LAMA3: variants seen among roughly 807,000 people sequenced by gnomAD.
LAMA3 encodes laminin subunit alpha-3.
Under a neutral mutation model 402.0 loss-of-function variants are expected in LAMA3, and 281 were observed. The observed-to-expected ratio is 0.70, with a 90% confidence interval of 0.63 to 0.77. The LOEUF is 0.77. LAMA3 is among the 30% of genes least tolerant of loss of function. The pLI is 0.00. For missense variants in LAMA3, 3,840 were observed against 4,215.5 expected (o/e 0.91, Z 2.47); for synonymous variants, 1,431 against 1,558.4 (o/e 0.92, Z 1.93).
intron 3 of LAMA3, among the ~76,000 whole-genome samples, chr18:23,748,294 G>C (rs901478784): frequency 2.7e-5 from 4 of 149,938 alleles, no homozygotes; most frequent in African/African-American, 9.8e-5. Context: ...CCAGGCACAT[G>C]CCTGTTATCC....
At chr18:23,813,837 C>T (rs1310990054) in intron 14 of LAMA3, among the ~76,000 whole-genome samples, 3 of 152,072 alleles carry the variant, frequency 2.0e-5, no homozygotes, top group Non-Finnish European at 2.9e-5. Flanking sequence ...CTACCACACC[C>T]GGCCTATTCT....
At position 23,876,293 on chromosome 18, in the gene LAMA3, G is replaced by A. The variant is rs1327684674; in HGVS notation, c.4999-1G>A. 5 of 1,603,268 alleles carry A rather than the reference G, an allele frequency of 3.1e-6. No homozygotes were observed. In the African/African-American group the frequency reaches 4.0e-5, roughly 13 times the overall value. On this transcript the variant is annotated splice_acceptor_variant, in intron 38 of 74. Transcript: ENST00000313654. LOFTEE classifies it high-confidence loss of function. Reference sequence around the variant, plus strand: ...GATTAAACACTTTGTTTGAAAAATAGGGTTGTAGCCCTGGATACTATCGGG... The same window carrying A: ...GATTAAACACTTTGTTTGAAAAATAAGGTTGTAGCCCTGGATACTATCGGG...
In LAMA3 at chr18:23,833,831, G is replaced by A; in HGVS notation, c.2827G>A (p.Glu943Lys). The change falls in exon 24 of 75, where the codon GAA becomes AAA. Residue 943 changes from glutamate (E) to lysine (K), a missense_variant. This residue lies in a region of LAMA3 where 2,109 missense variants were observed against 2,376.0 expected (regional missense o/e 0.89). Coordinates refer to ENST00000313654, the MANE Select transcript of LAMA3 (RefSeq NM_198129.4). Reference sequence around the variant, plus strand: ...GTCTGCTTGGCCTCTGTGACAGGTGGAATTGCATCTGCGGCTGCGCATCCC... The same window carrying A: ...GTCTGCTTGGCCTCTGTGACAGGTGAAATTGCATCTGCGGCTGCGCATCCC... ...VMVDLSGREV[E>K]LHLRLRIPQV... The A allele has an allele frequency of 6.2e-7, 1 of 1,612,884 alleles. No homozygotes were observed.
chr18:23,914,373 C>T (rs1370010500), intron 56 of LAMA3, 37 bp from the exon 57 acceptor site: 14 of 1,613,262 alleles, frequency 8.7e-6, no homozygotes, highest in Non-Finnish European at 1.2e-5. Context: ...TGAGAAACCA[C>T]AATGTGAAGT....
intron 2 of LAMA3, among the ~76,000 whole-genome samples, chr18:23,715,603 T>G (rs1392832658): frequency 6.6e-6 from 1 of 152,254 alleles, no homozygotes; most frequent in Non-Finnish European, 1.5e-5. Context: ...AGAGATTTCT[T>G]TGTTTATGAT....
chr18:23,903,730 C>T (rs181711876), intron 49 of LAMA3, among the ~76,000 whole-genome samples: 1 of 152,230 alleles, frequency 6.6e-6, no homozygotes, highest in Non-Finnish European at 1.5e-5. Context: ...TGAGAATGTT[C>T]AAGATAGTGG....
intron 19 of LAMA3, among the ~76,000 whole-genome samples, chr18:23,820,261 G>T (rs2063259288): frequency 6.6e-6 from 1 of 152,168 alleles, no homozygotes. Context: ...AGAGATTAAA[G>T]AAAAATAGTG....
Position 23,907,772 on chromosome 18 carries a change from G to C in LAMA3, c.6852G>C (p.Met2284Ile). The C allele has an allele frequency of 1.2e-6, 2 of 1,614,116 alleles. No homozygotes were observed. The highest frequency in any genetic ancestry group is 1.7e-6 in the Non-Finnish European group (2 of 1,180,018). ...GTGCATTAGGTGATATTGATGCTAT[G>C]ATCAGTAGTGCAAAGAGCATGGTCA... ...HGIQRGDIDA[M>I]ISSAKSMVRK... The change falls in exon 54 of 75, where the codon ATG becomes ATC. Residue 2284 changes from methionine (M) to isoleucine (I), a missense_variant. By Grantham distance (10) the Met-to-Ile change is conservative. Around this residue, in one of 3 missense-constraint regions of LAMA3, gnomAD observed 891 missense variants for 857.5 expected, o/e 1.04. Coordinates refer to ENST00000313654, the MANE Select transcript of LAMA3 (RefSeq NM_198129.4).
At chr18:23,728,436 T>G (rs1371249517) in intron 2 of LAMA3, among the ~76,000 whole-genome samples, 1 of 152,174 alleles carries the variant, frequency 6.6e-6, no homozygotes, top group Non-Finnish European at 1.5e-5. Context: ...GGCAACTCAC[T>G]GTAAGGCTCC....
chr18:23,826,896 AC>A, intron 22 of LAMA3, 97 bp downstream of exon 22: 1 of 738,652 alleles, frequency 1.4e-6, no homozygotes, highest in South Asian at 1.5e-5. Flanking sequence ...GATCACAACG[AC>A]AGCATGATGC....
Position 23,846,420 on chromosome 18 carries a change from G to A in LAMA3, c.3843G>A (p.Glu1281=), listed in dbSNP as rs2063816616. The change falls in exon 31 of 75, where the codon GAG becomes GAA. Residue 1281 remains glutamate, a synonymous_variant. Transcript: ENST00000313654. ...CCACCGGCCCTCACTGCAGCCCTGA[G>A]GGTGGGCAGTGCCCATGCCAGCCCA... ...TGATGPHCSP[E]GGQCPCQPNV... is the part of the protein sequence containing the mutation. 6.2e-7 allele frequency: 1 copy of A among 1,614,010 alleles called. No homozygotes were observed. The highest frequency in any genetic ancestry group is 8.5e-7 in the Non-Finnish European group (1 of 1,180,024).
chr18:23,848,970 T>A (rs555008726), intron 32 of LAMA3, among the ~76,000 whole-genome samples: 10 of 152,178 alleles, frequency 6.6e-5, no homozygotes, highest in Non-Finnish European at 1.5e-4. Flanking sequence ...GTCTCTGTCT[T>A]CCTGTGGCGT....
chr18:23,885,827 C>A (rs1347830323), intron 41 of LAMA3, among the ~76,000 whole-genome samples: 2 of 152,170 alleles, frequency 1.3e-5, no homozygotes, highest in African/African-American at 4.8e-5. Context: ...TGCACTCAAA[C>A]GCTTTCACAT....
In LAMA3 at chr18:23,920,986, A is replaced by T; in HGVS notation, c.7975A>T (p.Lys2659Ter). Residue 2659 changes from lysine to a stop codon, truncating the protein, a stop_gained, in exon 61 of 75, where the codon AAA (lysine) becomes TAA (stop). Transcript: ENST00000313654. LOFTEE classifies it high-confidence loss of function. ...AGATGGCAAGCTCATGGTGAGATAC[A>T]AACTGAATTCAGAGCTACCAAAAGA... ...IEDGKLMVRY[K>*]LNSELPKERG... is the part of the protein sequence containing the mutation. 6.2e-7 allele frequency: 1 copy of T among 1,614,018 alleles called. No homozygotes were observed. The highest frequency in any genetic ancestry group is 2.2e-5 in the East Asian group (1 of 44,894).
intron 62 of LAMA3, among the ~76,000 whole-genome samples, chr18:23,927,636 T>C (rs1441042484): frequency 6.6e-6 from 1 of 152,086 alleles, no homozygotes; most frequent in East Asian, 1.9e-4. Flanking sequence ...ACTTTGTTTC[T>C]TCTGACTTTA....
At chr18:23,804,798 C>T (rs1160537740) in intron 12 of LAMA3, among the ~76,000 whole-genome samples, 1 of 152,108 alleles carries the variant, frequency 6.6e-6, no homozygotes, top group Non-Finnish European at 1.5e-5. Context: ...AGATCTCTCT[C>T]TGAGTTCACT....
intron 1 of LAMA3, among the ~76,000 whole-genome samples, chr18:23,701,223 C>T (rs2060784623): frequency 6.6e-6 from 1 of 152,116 alleles, no homozygotes; most frequent in Non-Finnish European, 1.5e-5. Context: ...CTGATTTGGC[C>T]ATGATAAGCA....
chr18:23,842,840 C>T (rs2063734744), intron 29 of LAMA3, 90 bp downstream of exon 29: 7 of 1,517,560 alleles, frequency 4.6e-6, no homozygotes, highest in Non-Finnish European at 6.4e-6. Flanking sequence ...AATAATTCTT[C>T]CAAGGAATTG....
chr18:23,784,131 G>A lies in LAMA3; in HGVS notation c.1577G>A (p.Gly526Asp). 1 of 1,614,088 alleles carries A rather than the reference G, an allele frequency of 6.2e-7. No individual in the cohort carries two copies. The highest frequency in any genetic ancestry group is 8.5e-7 in the Non-Finnish European group (1 of 1,180,018). Reference sequence around the variant, plus strand: ...CCTCGATGTGATACCTGCCGCTCTGGTTTCTACTCATTCCCTATTTGCCAA... The same window carrying A: ...CCTCGATGTGATACCTGCCGCTCTGATTTCTACTCATTCCCTATTTGCCAA... Reference protein sequence around the residue: ...EGPRCDTCRSGFYSFPICQAC... With the variant: ...EGPRCDTCRSDFYSFPICQAC... Residue 526 changes from glycine (G) to aspartate (D), a missense_variant, in exon 12 of 75, where the codon GGT becomes GAT. Physicochemically the swap from Gly to Asp is moderately conservative, Grantham distance 94. Around this residue, in one of 3 missense-constraint regions of LAMA3, gnomAD observed 2,109 missense variants for 2,376.0 expected, o/e 0.89. Transcript: ENST00000313654.
Sources: allele counts gnomAD v4.1 joint callset (sites outside exome capture counted in the v4.1 genomes callset), GRCh38; gene constraint gnomAD v4.1.1; regional missense constraint gnomAD v4.1.1; transcripts MANE v1.5; gene names NCBI Gene and HGNC (gene_info 2026-07-23, HGNC 2026-07-21).